Variants in RAB12 observed in about 807,000 individuals in gnomAD.
The protein encoded by RAB12 is ras-related protein Rab-12.
Under a neutral mutation model 28.4 loss-of-function variants are expected in RAB12, and 11 were observed. The observed-to-expected ratio is 0.39, with a 90% CI of 0.24 to 0.64. The LOEUF is 0.64. Ranked by LOEUF, RAB12 falls within the 30% of genes least tolerant of loss-of-function variation. The probability of loss-of-function intolerance (pLI) is 0.50; values close to 1 mark genes in which losing one functional copy is unlikely to be tolerated. For missense variants in RAB12, 276 were observed against 351.1 expected, an observed-to-expected ratio of 0.79 and a Z score of 1.71; for synonymous variants, 138 against 145.3, an observed-to-expected ratio of 0.95 and a Z score of 0.36.
At chr18:8,628,809 A>G (rs1371788848) in intron 2 of RAB12, among the ~76,000 whole-genome samples, 1 of 152,146 alleles carries the variant, frequency 6.6e-6, no homozygotes, top group Non-Finnish European at 1.5e-5. Flanking sequence ...TAAAACTCCT[A>G]TTATCTGTAA....
intron 1 of RAB12, among the ~76,000 whole-genome samples, chr18:8,621,964 C>T (rs773721419): frequency 6.6e-6 from 1 of 152,150 alleles, no homozygotes; most frequent in Non-Finnish European, 1.5e-5. Context: ...TATTAATGTC[C>T]TAGCCTTTTA....
At position 8,635,543 on chromosome 18, in the gene RAB12, A is replaced by C; in HGVS notation, c.725A>C (p.Glu242Ala). Residue 242 changes from glutamate to alanine, a missense_variant, in exon 4 of 6, where the codon GAA (glutamate) becomes GCA (alanine). Glu to Ala is a moderately radical substitution (Grantham distance 107). This residue lies in a region of RAB12 where 127 missense variants were observed against 161.4 expected (regional missense o/e 0.79). Coordinates refer to ENST00000649141, the MANE Select transcript of RAB12 (RefSeq NM_001025300.3). ...TTTAAAATTCCACAGTATGCTTCAGAAGATGCAGAGCTTCTCTTAGTTGGA... is the reference window on the plus strand; with the variant it reads ...TTTAAAATTCCACAGTATGCTTCAGCAGATGCAGAGCTTCTCTTAGTTGGA... ...WMKMIDKYAS[E>A]DAELLLVGNK... is the part of the protein sequence containing the mutation. 1 of 1,612,074 alleles carries C rather than the reference A, an allele frequency of 6.2e-7. No individual in the cohort carries two copies. The highest frequency in any genetic ancestry group is 8.5e-7 in the Non-Finnish European group (1 of 1,178,922).
chr18:8,609,657 C>A lies in RAB12; in HGVS notation c.218C>A (p.Pro73Gln). 2 of 828,748 alleles carry A rather than the reference C, an allele frequency of 2.4e-6. No individual in the cohort carries two copies. The highest frequency in any genetic ancestry group is 2.9e-6 in the Non-Finnish European group (2 of 690,134). 51.3% of individuals were successfully genotyped at this position (828,748 alleles called of 1,614,324 possible). A position where few individuals can be genotyped will look rare whatever the true frequency, so the allele number is the denominator to read the frequency against. Residue 73 changes from proline to glutamine, a missense_variant, in exon 1 of 6, where the codon CCG (proline) becomes CAG (glutamine). Physicochemically the swap from Pro to Gln is moderately conservative, Grantham distance 76 (BLOSUM62 -1). This residue lies in a region of RAB12 where 72 missense variants were observed against 55.5 expected (regional missense o/e 1.30). Coordinates refer to ENST00000649141, the MANE Select transcript of RAB12 (RefSeq NM_001025300.3). ...CGCGCGGCGGAGGCCGAGGGGGCGC[C>A]GGGGCCCGGGGCGCGCAGCCGGGGG... ...PPRAAEAEGAPGPGARSRGAG... is the reference protein window; with the variant it reads ...PPRAAEAEGAQGPGARSRGAG...
chr18:8,636,774 CT>C (rs2096019211), intron 5 of RAB12, among the ~76,000 whole-genome samples: 1 of 152,224 alleles, frequency 6.6e-6, no homozygotes, highest in Non-Finnish European at 1.5e-5. Context: ...GTTCTGCTCC[CT>C]GGTGGGAGCC....
intron 1 of RAB12, among the ~76,000 whole-genome samples, chr18:8,616,226 A>G (rs918709544): frequency 1.3e-5 from 2 of 152,092 alleles, no homozygotes; most frequent in Admixed American, 1.3e-4. Context: ...AGGTAGCCAT[A>G]ATAAGTGTTA....
chr18:8,638,109 A>G (rs1377144969), intron 5 of RAB12, 40 bp from the exon 6 acceptor site: 3 of 1,393,238 alleles, frequency 2.2e-6, no homozygotes, highest in African/African-American at 2.8e-5. Flanking sequence ...TGTACCTTGT[A>G]AAGTTAAAAC....
intron 2 of RAB12, among the ~76,000 whole-genome samples, chr18:8,632,673 G>A (rs894169228): frequency 5.3e-5 from 8 of 152,106 alleles, no homozygotes; most frequent in Admixed American, 5.2e-4. Flanking sequence ...ACCATTTATT[G>A]TGTGTGTGAG....
Position 8,613,479 on chromosome 18 carries a change from CAATGCCG to C in RAB12, c.514+3530_514+3536del, listed in dbSNP as rs2096004981. On this transcript the variant is annotated intron_variant, in intron 1 of 5. Transcript: ENST00000649141. Reference sequence around the variant, plus strand: ...AGCTGTAGAAACCATTTCTATCTAGCAATGCCGAATTCTTGATCTTGGTTCCTTCTGT... The same window carrying C: ...AGCTGTAGAAACCATTTCTATCTAGCAATTCTTGATCTTGGTTCCTTCTGT... 2.0e-5 allele frequency among the ~76,000 whole-genome samples: 3 copies of C among 152,120 alleles called. No homozygotes were observed. The South Asian group carries it at 6.2e-4, about 32-fold the overall frequency.
chr18:8,637,928 TGAG>T (rs367637160), intron 5 of RAB12, among the ~76,000 whole-genome samples: 27 of 151,174 alleles, frequency 1.8e-4, no homozygotes, highest in African/African-American at 3.6e-4. Context: ...TTGAGTAGGC[TGAG>T]GAGGAGGAGG....
At chr18:8,619,954 T>G (rs1429615990) in intron 1 of RAB12, among the ~76,000 whole-genome samples, 1 of 151,928 alleles carries the variant, frequency 6.6e-6, no homozygotes, top group Non-Finnish European at 1.5e-5. Flanking sequence ...CTGGGCAACA[T>G]AGTGAGATGC....
intron 1 of RAB12, among the ~76,000 whole-genome samples, chr18:8,613,342 T>C (rs1374504540): frequency 6.6e-6 from 1 of 152,242 alleles, no homozygotes; most frequent in Non-Finnish European, 1.5e-5. Context: ...AATTTACAAC[T>C]AACATGCCTG....
chr18:8,620,614 T>G (rs938661723), intron 1 of RAB12, among the ~76,000 whole-genome samples: 4 of 152,102 alleles, frequency 2.6e-5, no homozygotes, highest in Non-Finnish European at 5.9e-5. Flanking sequence ...CAAAAATAAT[T>G]TGCATTTCTT....
intron 1 of RAB12, among the ~76,000 whole-genome samples, chr18:8,611,340 C>T (rs1032721591): frequency 4.6e-5 from 7 of 152,074 alleles, no homozygotes; most frequent in African/African-American, 1.5e-4. Flanking sequence ...TTTTATGGCT[C>T]CGTACTTCAG....
At chr18:8,616,214 G>A (rs1392631563) in intron 1 of RAB12, among the ~76,000 whole-genome samples, 3 of 152,036 alleles carry the variant, frequency 2.0e-5, no homozygotes, top group African/African-American at 4.8e-5. Flanking sequence ...GGTGAGTCAC[G>A]GAGGTAGCCA....
chr18:8,611,801 AC>A (rs1433220492), intron 1 of RAB12, among the ~76,000 whole-genome samples: 27 of 152,182 alleles, frequency 1.8e-4, no homozygotes, highest in Non-Finnish European at 1.8e-4. Context: ...ACATGCACTT[AC>A]CCGAGCACAT....
At chr18:8,628,341 A>G (rs1290434507) in intron 2 of RAB12, among the ~76,000 whole-genome samples, 4 of 152,222 alleles carry the variant, frequency 2.6e-5, no homozygotes, top group African/African-American at 9.7e-5. Flanking sequence ...CGTACCTGAT[A>G]GTAGATAATT....
At chr18:8,635,480 C>A in intron 3 of RAB12, 53 bp from the exon 4 acceptor site, 2 of 1,244,362 alleles carry the variant, frequency 1.6e-6, no homozygotes, top group South Asian at 1.3e-5. Flanking sequence ...TTTCTGCTGT[C>A]AGTATATGGC....
intron 1 of RAB12, 41 bp downstream of exon 1, chr18:8,609,994 C>T: frequency 2.6e-6 from 4 of 1,517,186 alleles, no homozygotes; most frequent in Non-Finnish European, 3.6e-6. Context: ...CCTCCTGGCG[C>T]CCGGGCAGGT....
intron 5 of RAB12, among the ~76,000 whole-genome samples, chr18:8,637,363 A>G (rs1019461541): frequency 2.0e-5 from 3 of 151,988 alleles, no homozygotes; most frequent in African/African-American, 2.4e-5. Context: ...AATGCAGACC[A>G]TTTTTAAAAT....
Sources: allele counts gnomAD v4.1 joint callset (sites outside exome capture counted in the v4.1 genomes callset), GRCh38; gene constraint gnomAD v4.1.1; regional missense constraint gnomAD v4.1.1; transcripts MANE v1.5; gene names NCBI Gene and HGNC (gene_info 2026-07-23, HGNC 2026-07-21).